The following FAM167A variants were observed in gnomAD, a reference collection of about 807,000 sequenced individuals.
The protein encoded by FAM167A is family with sequence similarity 167 member A.
In FAM167A, 23 loss-of-function variants were observed where a neutral mutation model predicts 14.9. The observed-to-expected ratio is 1.55, with a 90% confidence interval of 1.11 to 2.19. FAM167A has a LOEUF of 2.19. Among genes scored for constraint, FAM167A ranks in the 30% most tolerant of loss-of-function variants. The pLI, the probability that FAM167A is intolerant of heterozygous loss-of-function variation, is 0.00. For missense variants in FAM167A, 401 were observed against 281.5 expected (o/e 1.42, Z -3.04); for synonymous variants, 174 against 117.7 (o/e 1.48, Z -3.10).
chr8:11,471,654 G>A (rs914949958), upstream of FAM167A, among the ~76,000 whole-genome samples: 6 of 152,182 alleles, frequency 3.9e-5, no homozygotes, highest in Non-Finnish European at 7.3e-5. Flanking sequence ...GCCTTGATCC[G>A]TGAGCGAGAG....
intron 2 of FAM167A, among the ~76,000 whole-genome samples, chr8:11,429,337 T>C (rs903669196): frequency 2.0e-5 from 3 of 152,208 alleles, no homozygotes; most frequent in Non-Finnish European, 4.4e-5. Flanking sequence ...GCTGGTCCTG[T>C]GTGGAGTTAG....
At chr8:11,442,514 C>T (rs561752614) in intron 2 of FAM167A, among the ~76,000 whole-genome samples, 3 of 152,110 alleles carry the variant, frequency 2.0e-5, no homozygotes, top group African/African-American at 7.2e-5. Flanking sequence ...GCCTCAGCTC[C>T]CACAGGCAAT....
intron 1 of FAM167A, among the ~76,000 whole-genome samples, chr8:11,455,782 C>T (rs1807236519): frequency 7.4e-6 from 1 of 135,560 alleles, no homozygotes; most frequent in South Asian, 2.5e-4. Flanking sequence ...GGGGTGGTTG[C>T]CCTGCTGGGG....
Position 11,433,017 on chromosome 8 carries a change from T to C in FAM167A, c.382-8381A>G, listed in dbSNP as rs1452668342. On this transcript the variant is annotated intron_variant, in intron 2 of 2. Transcript: ENST00000284486. The stretch of plus-strand genomic sequence containing the variant: ...CTCATAAGTAGGAGTTGAACAATGA[T>C]AACACGTGGACACAGGGAGGGGAAC... 7.2e-5 allele frequency among the ~76,000 whole-genome samples: 11 copies of C among 152,020 alleles called. No homozygotes were observed. The East Asian group carries it at 2.1e-3, about 29-fold the overall frequency.
At chr8:11,443,715 G>A (rs972764788) in intron 2 of FAM167A, 6 of 280,476 alleles carry the variant, frequency 2.1e-5, no homozygotes, top group Non-Finnish European at 2.7e-5. Context: ...CACCCCAGGA[G>A]CCAGACTCCA....
chr8:11,454,070 A>T (rs1807134460), intron 1 of FAM167A, among the ~76,000 whole-genome samples: 1 of 152,186 alleles, frequency 6.6e-6, no homozygotes. Flanking sequence ...TCTGGAAGGA[A>T]GAATTAGCTA....
intron 1 of FAM167A, among the ~76,000 whole-genome samples, chr8:11,475,851 C>T (rs1797859407): frequency 6.6e-6 from 1 of 152,124 alleles, no homozygotes; most frequent in Non-Finnish European, 1.5e-5. Flanking sequence ...GGACACCTGC[C>T]ACTCCCACAC....
At chr8:11,427,778 G>C (rs1454102305) in intron 2 of FAM167A, among the ~76,000 whole-genome samples, 2 of 152,136 alleles carry the variant, frequency 1.3e-5, no homozygotes, top group Non-Finnish European at 2.9e-5. Context: ...GCAAAATTGG[G>C]ATTAAAGTTC....
chr8:11,429,107 C>T (rs1805388986), intron 2 of FAM167A, among the ~76,000 whole-genome samples: 1 of 152,134 alleles, frequency 6.6e-6, no homozygotes, highest in Non-Finnish European at 1.5e-5. Context: ...CTGCATCCAT[C>T]AAACACTAAC....
At chr8:11,439,852 G>A (rs1341958946) in intron 2 of FAM167A, among the ~76,000 whole-genome samples, 1 of 152,138 alleles carries the variant, frequency 6.6e-6, no homozygotes, top group Non-Finnish European at 1.5e-5. Context: ...AAACAGAAAG[G>A]AGGGTCCCTG....
Position 11,424,037 on chromosome 8 carries a change from A to C in FAM167A, c.*336T>G. On this transcript the variant is annotated 3_prime_UTR_variant, in exon 3 of 3. Transcript: ENST00000284486. ...TGGGGGGCCTCCCTTTGGGAATCCC[A>C]GTTCATAGCACCAGTGATTCCAGGA... 3.9e-6 allele frequency: 1 copy of C among 257,418 alleles called. No individual in the cohort carries two copies. Among genetic ancestry groups the C allele is most frequent in the African/African-American group, 2.2e-5 (1 of 46,036 alleles). The allele number at this position is 257,418 out of a possible 1,614,324, so 15.9% of individuals were successfully genotyped here.
chr8:11,434,773 G>A (rs940137282), intron 2 of FAM167A: 1 of 319,544 alleles, frequency 3.1e-6, no homozygotes, highest in East Asian at 8.3e-5. Flanking sequence ...CTCTGGACAG[G>A]TGGCATGTGC....
chr8:11,458,730 G>C (rs1807426772), intron 1 of FAM167A, among the ~76,000 whole-genome samples: 1 of 152,086 alleles, frequency 6.6e-6, no homozygotes, highest in Non-Finnish European at 1.5e-5. Context: ...CCAGAGTCTG[G>C]AGAAAGCCCG....
At chr8:11,441,976 C>T (rs920528646) in intron 2 of FAM167A, among the ~76,000 whole-genome samples, 33 of 152,262 alleles carry the variant, frequency 2.2e-4, no homozygotes, top group African/African-American at 1.2e-4. Context: ...GGACACACCC[C>T]TGGTGGCACA....
Position 11,434,880 on chromosome 8 carries a change from C to T in FAM167A, c.381+9151G>A, listed in dbSNP as rs555475145. ...CTGGAAGCTGTACACCCAAGGAAGACATTCTGTGCCGGAGAGAGAGTGGGA... is the reference window on the plus strand; with the variant it reads ...CTGGAAGCTGTACACCCAAGGAAGATATTCTGTGCCGGAGAGAGAGTGGGA... On this transcript the variant is annotated intron_variant, in intron 2 of 2. Transcript: ENST00000284486. The T allele has an allele frequency of 8.0e-5, 30 of 373,652 alleles. No individual in the cohort carries two copies. In the East Asian group the frequency reaches 2.2e-3, roughly 27 times the overall value. The allele number at this position is 373,652 out of a possible 1,614,324, so 23.1% of individuals were successfully genotyped here.
chr8:11,451,387 C>T (rs1807022089), intron 1 of FAM167A, among the ~76,000 whole-genome samples: 1 of 133,838 alleles, frequency 7.5e-6, no homozygotes, highest in African/African-American at 2.6e-5. Context: ...TTTGCTTCAG[C>T]TACTTGGAGA....
intron 2 of FAM167A, among the ~76,000 whole-genome samples, chr8:11,432,116 A>C (rs1805647328): frequency 6.6e-6 from 1 of 152,106 alleles, no homozygotes; most frequent in African/African-American, 2.4e-5. Context: ...TAAAACACTG[A>C]GTGATTTCTT....
chr8:11,464,658 A>T (rs967212514), intron 1 of FAM167A, among the ~76,000 whole-genome samples: 31 of 152,222 alleles, frequency 2.0e-4, no homozygotes, highest in African/African-American at 7.2e-4. Context: ...CAAAGTGCTC[A>T]GTTACTCATT....
At chr8:11,474,170 C>T (rs138502758) in intron 1 of FAM167A, among the ~76,000 whole-genome samples, 18 of 152,336 alleles carry the variant, frequency 1.2e-4, no homozygotes, top group African/African-American at 1.7e-4. Flanking sequence ...CCACCGTGCC[C>T]GGCCAACACT....
Sources: gnomAD v4.1 joint callset for allele counts (sites outside exome capture counted in the v4.1 genomes callset) on GRCh38, gnomAD v4.1.1 for gene constraint, MANE v1.5 for transcripts, NCBI Gene and HGNC (gene_info 2026-07-23, HGNC 2026-07-21) for gene names.